Variants in MICAL2 observed in about 807,000 individuals in gnomAD.
MICAL2 encodes [F-actin]-monooxygenase MICAL2.
Under a neutral mutation model 127.3 loss-of-function variants are expected in MICAL2, and 77 were observed. The ratio of observed to expected loss-of-function variants is 0.60; its 90% confidence interval spans 0.50 to 0.73. MICAL2 has a LOEUF of 0.73. Ranked by LOEUF, MICAL2 falls within the 30% of genes least tolerant of loss-of-function variation. The pLI is 0.00. For missense variants in MICAL2, 1,351 were observed against 1,434.4 expected, an observed-to-expected ratio of 0.94 and a Z score of 0.94; for synonymous variants, 570 against 551.1, an observed-to-expected ratio of 1.03 and a Z score of -0.48.
intron 29 of MICAL2, among the ~76,000 whole-genome samples, chr11:12,302,425 T>G (rs999243315): frequency 6.6e-6 from 1 of 152,210 alleles, no homozygotes; most frequent in African/African-American, 2.4e-5. Flanking sequence ...CAACACTTGA[T>G]AGTCTCAGCT....
chr11:12,134,850 G>A (rs1851711455), intron 1 of MICAL2, among the ~76,000 whole-genome samples: 2 of 152,178 alleles, frequency 1.3e-5, no homozygotes, highest in African/African-American at 4.8e-5. Context: ...AATTAAAAAG[G>A]ATACATTGGA....
intron 21 of MICAL2, among the ~76,000 whole-genome samples, chr11:12,248,354 A>G (rs1158501793): frequency 6.6e-6 from 1 of 152,014 alleles, no homozygotes; most frequent in Non-Finnish European, 1.5e-5. Context: ...TTCCTCATCT[A>G]TCCCACCAAA....
At chr11:12,124,698 C>T (rs556467) in intron 1 of MICAL2, among the ~76,000 whole-genome samples, 16 of 152,348 alleles carry the variant, frequency 1.1e-4, no homozygotes, top group African/African-American at 3.6e-4. Flanking sequence ...CCACTCTACT[C>T]TTCATTCCAG....
intron 32 of MICAL2, among the ~76,000 whole-genome samples, chr11:12,347,137 C>G (rs1364735945): frequency 6.6e-6 from 1 of 151,972 alleles, no homozygotes; most frequent in Non-Finnish European, 1.5e-5. Flanking sequence ...CAAGTTGTTC[C>G]CTCTTCTTGA....
At chr11:12,221,852 C>T (rs922993421) in intron 10 of MICAL2, 93 bp downstream of exon 10, 8 of 905,852 alleles carry the variant, frequency 8.8e-6, no homozygotes, top group African/African-American at 3.3e-5. Context: ...CTGGATATAC[C>T]TGGAGCCTCT....
intron 8 of MICAL2, among the ~76,000 whole-genome samples, chr11:12,219,528 CAAAAAAAAA>C (rs11316414): frequency 1.0e-4 from 5 of 48,606 alleles, no homozygotes; most frequent in African/African-American, 2.4e-4. Flanking sequence ...AACTCCATCT[CAAAAAAAAA>C]AAAAAAAAAA....
At chr11:12,222,854 C>G in intron 11 of MICAL2, 111 bp downstream of exon 11, 1 of 1,377,492 alleles carries the variant, frequency 7.3e-7, no homozygotes, top group Non-Finnish European at 9.8e-7. Context: ...CTAAGGCCAC[C>G]AAGGCCTGCT....
At chr11:12,207,584 T>C (rs555364546) in intron 4 of MICAL2, 10 of 154,880 alleles carry the variant, frequency 6.5e-5, no homozygotes, top group African/African-American at 2.2e-4. Context: ...CCCCATGTAA[T>C]GAGTCACTGA....
Position 12,259,687 on chromosome 11 carries a change from G to A in MICAL2, c.3232-108G>A, listed in dbSNP as rs887374105. 6.2e-6 allele frequency: 6 copies of A among 975,590 alleles called. No individual in the cohort carries two copies. In the African/African-American group the frequency reaches 6.7e-5, roughly 11 times the overall value. The allele number at this position is 975,590 out of a possible 1,614,324, so 60.4% of individuals were successfully genotyped here. ...TCGGGGGGCTGAGATTATTGTGGGG[G>A]CTGGTTGCAGGGTCTGGCGAGTTCA... On this transcript the variant is annotated intron_variant, in intron 25 of 27. Coordinates refer to ENST00000683283, the MANE Select transcript of MICAL2 (RefSeq NM_001282663.2).
At chr11:12,149,971 A>G (rs1177117680) in intron 2 of MICAL2, among the ~76,000 whole-genome samples, 1 of 152,168 alleles carries the variant, frequency 6.6e-6, no homozygotes, top group Non-Finnish European at 1.5e-5. Context: ...ATAAGGCCCC[A>G]TAAGTGGCGG....
At chr11:12,292,645 C>T (rs1863919659), downstream of MICAL2, among the ~76,000 whole-genome samples, 3 of 152,208 alleles carry the variant, frequency 2.0e-5, no homozygotes, top group South Asian at 6.2e-4. Flanking sequence ...TGTAGGATGG[C>T]AGGCACAGAA....
downstream of MICAL2, among the ~76,000 whole-genome samples, chr11:12,289,863 C>T (rs1863874951): frequency 6.6e-6 from 1 of 152,220 alleles, no homozygotes; most frequent in South Asian, 2.1e-4. Flanking sequence ...GGCACCATGC[C>T]TGGCCAACTG....
At chr11:12,142,140 C>A (rs536900230) in intron 2 of MICAL2, among the ~76,000 whole-genome samples, 16 of 152,256 alleles carry the variant, frequency 1.1e-4, no homozygotes, top group African/African-American at 3.9e-4. Flanking sequence ...AGCCACCGTG[C>A]CTTCCTCTTT....
chr11:12,332,832 CT>C (rs1305364836), intron 32 of MICAL2, among the ~76,000 whole-genome samples: 2 of 152,190 alleles, frequency 1.3e-5, no homozygotes, highest in African/African-American at 4.8e-5. Context: ...TGACCCCCTT[CT>C]TGGAATTCTC....
At chr11:12,315,310 C>G (rs910972788) in intron 29 of MICAL2, among the ~76,000 whole-genome samples, 1 of 152,138 alleles carries the variant, frequency 6.6e-6, no homozygotes, top group Admixed American at 6.5e-5. Context: ...CTAATATAAA[C>G]AAGGTAAAGC....
At chr11:12,146,234 G>C (rs1231948078) in intron 2 of MICAL2, among the ~76,000 whole-genome samples, 1 of 152,096 alleles carries the variant, frequency 6.6e-6, no homozygotes, top group African/African-American at 2.4e-5. Context: ...TTAAACTAAA[G>C]AGCTTCTGCA....
At chr11:12,260,216 T>C (rs1285052342) in intron 26 of MICAL2, 1 of 1,458,254 alleles carries the variant, frequency 6.9e-7, no homozygotes, top group Non-Finnish European at 9.0e-7. Context: ...CCAGGGAGGC[T>C]TCAGATGGCA....
intron 2 of MICAL2, among the ~76,000 whole-genome samples, chr11:12,154,906 CATGG>C (rs1440967591): frequency 6.6e-6 from 1 of 152,150 alleles, no homozygotes; most frequent in Non-Finnish European, 1.5e-5. Flanking sequence ...GGGCTAAGAG[CATGG>C]ATTTCAAAGT....
chr11:12,339,619 GT>G (rs1450206631), intron 32 of MICAL2, among the ~76,000 whole-genome samples: 10 of 152,102 alleles, frequency 6.6e-5, no homozygotes, highest in Admixed American at 5.2e-4. Context: ...GTACAGATGG[GT>G]TTTTGGTGTG....
Sources: gnomAD v4.1 joint callset for allele counts (sites outside exome capture counted in the v4.1 genomes callset) on GRCh38, gnomAD v4.1.1 for gene constraint, MANE v1.5 for transcripts, NCBI Gene and HGNC (gene_info 2026-07-23, HGNC 2026-07-21) for gene names.